UBE2F: variants seen among roughly 807,000 people sequenced by gnomAD.
UBE2F encodes NEDD8-conjugating enzyme UBE2F.
A neutral mutation model predicts 29.6 loss-of-function variants in UBE2F; 5 were observed. That is an observed-to-expected ratio of 0.17 (90% CI 0.09 to 0.36). UBE2F has a LOEUF of 0.36. Among genes scored for constraint, UBE2F ranks in the 10% least tolerant of loss-of-function variants. The pLI is 1.00. For synonymous variants in UBE2F, 66 were observed against 81.8 expected (o/e 0.81, Z 1.04); for missense variants, 141 against 228.5 (o/e 0.62, Z 2.47).
chr2:237,967,331 G>A lies in UBE2F; in HGVS notation c.-17+199G>A, dbSNP rs1215753809. Among the ~76,000 whole-genome samples the A allele has an allele frequency of 6.8e-6, 1 of 146,688 alleles. No homozygotes were observed. Among genetic ancestry groups the A allele is most frequent in the Non-Finnish European group, 1.5e-5 (1 of 65,942 alleles). On this transcript the variant is annotated intron_variant, in intron 1 of 9. Coordinates refer to ENST00000272930, the MANE Select transcript of UBE2F (RefSeq NM_080678.3). The surrounding 1 kb of genome is among the most constrained non-coding windows in gnomAD (Gnocchi z 6.3). ...TGAATGGGAAGGGGCCGCGGGCCGC[G>A]GGCCGCGAGCCGGGGGTCGGAGGCG...
intron 6 of UBE2F, among the ~76,000 whole-genome samples, chr2:238,028,511 A>G (rs2106401758): frequency 6.6e-6 from 1 of 152,370 alleles, no homozygotes; most frequent in African/African-American, 2.4e-5. Flanking sequence ...ATTTGACTTC[A>G]TTCCCAAAAA....
At chr2:238,032,014 C>T (rs2106407504) in intron 7 of UBE2F, among the ~76,000 whole-genome samples, 1 of 152,354 alleles carries the variant, frequency 6.6e-6, no homozygotes, top group African/African-American at 2.4e-5. Context: ...ATTTTATATT[C>T]ACTACCTGAG....
At chr2:238,029,776 T>C (rs2064529348) in intron 6 of UBE2F, among the ~76,000 whole-genome samples, 1 of 152,208 alleles carries the variant, frequency 6.6e-6, no homozygotes, top group Admixed American at 6.5e-5. Context: ...GGTTTCCTCC[T>C]GTATAAGACA....
chr2:238,035,795 C>A (rs898651450), intron 8 of UBE2F, 83 bp from the exon 9 acceptor site: 2 of 1,151,570 alleles, frequency 1.7e-6, no homozygotes, highest in South Asian at 1.3e-5. Context: ...AATTAGACTT[C>A]TCTTACTGTG....
At chr2:237,979,289 G>T (rs1003869208) in intron 2 of UBE2F, among the ~76,000 whole-genome samples, 6 of 152,194 alleles carry the variant, frequency 3.9e-5, no homozygotes, top group Non-Finnish European at 7.3e-5. Flanking sequence ...CTGCCCATCT[G>T]CCTGAGCTTC....
At chr2:238,028,032 C>G (rs1204360888) in intron 6 of UBE2F, among the ~76,000 whole-genome samples, 1 of 152,212 alleles carries the variant, frequency 6.6e-6, no homozygotes, top group Non-Finnish European at 1.5e-5. Flanking sequence ...TATTACAGTT[C>G]GTGGGGTGTC....
chr2:238,041,031 C>T (rs745939311), intron 9 of UBE2F, among the ~76,000 whole-genome samples: 1 of 152,120 alleles, frequency 6.6e-6, no homozygotes, highest in Admixed American at 6.5e-5. Flanking sequence ...GGGATAGGTA[C>T]CCCCTTAGGG....
intron 6 of UBE2F, among the ~76,000 whole-genome samples, chr2:238,030,121 G>A (rs574252333): frequency 6.6e-6 from 1 of 152,008 alleles, no homozygotes; most frequent in East Asian, 1.9e-4. Flanking sequence ...TAGAGACAGG[G>A]TATCACTGTG....
intron 8 of UBE2F, 23 bp downstream of exon 8, chr2:238,032,277 C>G (rs780500831): frequency 6.3e-7 from 1 of 1,591,576 alleles, no homozygotes. Flanking sequence ...ATCAAAATCC[C>G]AAGTTATTCT....
chr2:238,004,855 G>A (rs1218857682), intron 4 of UBE2F, among the ~76,000 whole-genome samples: 7 of 152,156 alleles, frequency 4.6e-5, no homozygotes, highest in Non-Finnish European at 8.8e-5. Flanking sequence ...AAGCAGGTGA[G>A]GCACTGGCAG....
intron 8 of UBE2F, among the ~76,000 whole-genome samples, chr2:238,032,949 G>A (rs1305973101): frequency 6.6e-6 from 1 of 152,190 alleles, no homozygotes; most frequent in East Asian, 1.9e-4. Flanking sequence ...CTGCCCTGCT[G>A]AGGTGGCTGA....
At position 238,025,264 on chromosome 2, in the gene UBE2F, ATGTGG is replaced by A. The variant is rs1179987384; in HGVS notation, c.283-76_283-72del. On this transcript the variant is annotated intron_variant, in intron 5 of 9. Coordinates refer to ENST00000272930, the MANE Select transcript of UBE2F (RefSeq NM_080678.3). The stretch of plus-strand genomic sequence containing the variant: ...CATGAAACAAGCGTCTAGATAGGGG[ATGTGG>A]TAAGGCTCTGGCCTGGAGATGTGAT... 9 of 1,219,330 alleles carry A rather than the reference ATGTGG, an allele frequency of 7.4e-6. No individual in the cohort carries two copies. In the East Asian group the frequency reaches 1.9e-4, roughly 25 times the overall value. 75.5% of individuals were successfully genotyped at this position (1,219,330 alleles called of 1,614,324 possible). A position where few individuals can be genotyped will look rare whatever the true frequency, so the allele number is the denominator to read the frequency against.
intron 1 of UBE2F, among the ~76,000 whole-genome samples, chr2:237,970,764 G>A (rs1044449049): frequency 6.6e-6 from 1 of 152,066 alleles, no homozygotes; most frequent in African/African-American, 2.4e-5. Context: ...GCCCAGGCTG[G>A]AGTGCAATGG....
intron 2 of UBE2F, among the ~76,000 whole-genome samples, chr2:237,980,381 C>T (rs1438080574): frequency 2.0e-5 from 3 of 152,236 alleles, no homozygotes; most frequent in African/African-American, 7.2e-5. Context: ...CTGATGAGAG[C>T]TCTCTTCCTG....
chr2:237,986,131 C>A, intron 2 of UBE2F: 1 of 350,912 alleles, frequency 2.8e-6, no homozygotes, highest in Non-Finnish European at 5.3e-6. Flanking sequence ...TCATAGACTA[C>A]CTTTTCTTTT....
intron 8 of UBE2F, among the ~76,000 whole-genome samples, chr2:238,034,264 T>TAA (rs1338062655): frequency 2.4e-4 from 34 of 141,090 alleles, no homozygotes; most frequent in African/African-American, 8.9e-4. Flanking sequence ...TCACCTCTAC[T>TAA]AAAAAAAAAA....
intron 2 of UBE2F, among the ~76,000 whole-genome samples, chr2:237,980,708 C>T (rs2063361655): frequency 6.6e-6 from 1 of 152,194 alleles, no homozygotes; most frequent in African/African-American, 2.4e-5. Context: ...GGGGCACTGC[C>T]ACCCTGTAGG....
chr2:237,980,189 C>T (rs1389193958), intron 2 of UBE2F, among the ~76,000 whole-genome samples: 2 of 152,280 alleles, frequency 1.3e-5, no homozygotes, highest in Non-Finnish European at 2.9e-5. Flanking sequence ...AAGGGCTCAG[C>T]AGCTCTGCCT....
chr2:237,978,306 T>A (rs926982948), intron 2 of UBE2F, among the ~76,000 whole-genome samples: 1 of 152,192 alleles, frequency 6.6e-6, no homozygotes, highest in African/African-American at 2.4e-5. Flanking sequence ...ATTGCCTTGC[T>A]CACCTGTGAT....
Sources: gnomAD v4.1 joint callset for allele counts (sites outside exome capture counted in the v4.1 genomes callset) on GRCh38, gnomAD v4.1.1 for gene constraint, Gnocchi (gnomAD v3.1) non-coding constraint, MANE v1.5 for transcripts, NCBI Gene and HGNC (gene_info 2026-07-23, HGNC 2026-07-21) for gene names.